Variants in CMBL observed in about 807,000 individuals in gnomAD.
CMBL encodes carboxymethylenebutenolidase homolog, also known as carboxymethylenebutenolidase homolog (Pseudomonas).
A neutral mutation model predicts 28.7 loss-of-function variants in CMBL; 17 were observed. The ratio of observed to expected loss-of-function variants is 0.59; its 90% CI spans 0.41 to 0.89. CMBL has a LOEUF of 0.89. CMBL is among the 40% of genes least tolerant of loss of function. CMBL has a pLI of 0.00. For missense variants in CMBL, 310 were observed against 298.5 expected (o/e 1.04, Z -0.28); for synonymous variants, 106 against 101.6 (o/e 1.04, Z -0.26).
chr5:10,292,687 G>A (rs554579280), intron 1 of CMBL, among the ~76,000 whole-genome samples: 1 of 152,154 alleles, frequency 6.6e-6, no homozygotes, highest in African/African-American at 2.4e-5. Flanking sequence ...AGCCGGGTGT[G>A]GTGGCAGGCG....
At chr5:10,307,116 T>C (rs947010679) in intron 1 of CMBL, 1 of 152,178 alleles carries the variant, frequency 6.6e-6, no homozygotes, top group Non-Finnish European at 1.5e-5. Flanking sequence ...CTTAGATCCA[T>C]AGACCCAGCA....
intron 2 of CMBL, chr5:10,290,344 C>A (rs562337271): frequency 3.4e-6 from 2 of 580,132 alleles, no homozygotes; most frequent in Non-Finnish European, 6.1e-6. Flanking sequence ...ACAGGAAACC[C>A]AGGAATGGGG....
At chr5:10,298,415 C>T (rs1443235478) in intron 1 of CMBL, among the ~76,000 whole-genome samples, 1 of 151,930 alleles carries the variant, frequency 6.6e-6, no homozygotes, top group African/African-American at 2.4e-5. Context: ...AAAGGAAAGA[C>T]AACTGCAGAA....
chr5:10,286,357 A>G lies in CMBL; in HGVS notation c.463T>C (p.Tyr155His), dbSNP rs1247904881. 1 of 1,613,716 alleles carries G rather than the reference A, an allele frequency of 6.2e-7. No individual in the cohort carries two copies. Among genetic ancestry groups the G allele is most frequent in the South Asian group, 1.1e-5 (1 of 90,978 alleles). The stretch of plus-strand genomic sequence containing the variant: ...AAAATGCACAAGGCAGATTTACCAT[A>G]GACGGACACCCCTGCCCTGAATTCT... Reference protein sequence around the residue: ...YSEFRAGVSVYGIVKDSEDIY... With the variant: ...YSEFRAGVSVHGIVKDSEDIY... Residue 155 changes from tyrosine (Y) to histidine (H), a missense_variant, in exon 4 of 6, where the codon TAT becomes CAT. Coordinates refer to ENST00000296658, the MANE Select transcript of CMBL (RefSeq NM_138809.4).
Position 10,278,624 on chromosome 5 carries a change from C to T in CMBL, c.*1829G>A, listed in dbSNP as rs1413875025. Among the ~76,000 whole-genome samples the T allele has an allele frequency of 2.0e-5, 3 of 152,098 alleles. No homozygotes were observed. The highest frequency in any genetic ancestry group is 4.4e-5 in the Non-Finnish European group (3 of 68,030). On this transcript the variant is annotated 3_prime_UTR_variant, in exon 6 of 6. Coordinates refer to ENST00000296658, the MANE Select transcript of CMBL (RefSeq NM_138809.4). ...AGCCCATGTGTCCTGAATGGCTCCC[C>T]CTTTTTGCTGGCCCTGTGAAGCGTG...
At chr5:10,285,567 G>C (rs1746583730) in intron 4 of CMBL, among the ~76,000 whole-genome samples, 1 of 152,112 alleles carries the variant, frequency 6.6e-6, no homozygotes, top group Non-Finnish European at 1.5e-5. Flanking sequence ...CAAAGTGCTA[G>C]GATTACAGGC....
chr5:10,285,362 T>G (rs1746579960), intron 4 of CMBL, among the ~76,000 whole-genome samples: 1 of 151,966 alleles, frequency 6.6e-6, no homozygotes, highest in Admixed American at 6.6e-5. Context: ...AGAGACGGGG[T>G]TTCACCATAT....
chr5:10,291,111 G>A (rs571853672), intron 1 of CMBL, among the ~76,000 whole-genome samples: 1 of 152,334 alleles, frequency 6.6e-6, no homozygotes, highest in Non-Finnish European at 1.5e-5. Flanking sequence ...GGGGCCCAGT[G>A]ATGCTGGGGG....
chr5:10,285,900 T>C (rs529382619), intron 4 of CMBL, among the ~76,000 whole-genome samples: 2 of 151,994 alleles, frequency 1.3e-5, no homozygotes, highest in Middle Eastern at 3.4e-3. Flanking sequence ...GGTTTTGCCA[T>C]GTTGTCCAGG....
chr5:10,306,021 T>G (rs1360217929), intron 1 of CMBL, among the ~76,000 whole-genome samples: 1 of 152,210 alleles, frequency 6.6e-6, no homozygotes, highest in African/African-American at 2.4e-5. Flanking sequence ...CTTTAATGAA[T>G]AAAATAAAAT....
At chr5:10,287,214 G>A (rs144057957) in intron 3 of CMBL, among the ~76,000 whole-genome samples, 28 of 152,324 alleles carry the variant, frequency 1.8e-4, no homozygotes, top group African/African-American at 6.0e-4. Context: ...ATTGTAGCAC[G>A]ATTGCAAAGA....
intron 1 of CMBL, among the ~76,000 whole-genome samples, chr5:10,300,598 G>A (rs1746881909): frequency 6.6e-6 from 1 of 152,032 alleles, no homozygotes; most frequent in Non-Finnish European, 1.5e-5. Flanking sequence ...CCAGGAGTAT[G>A]AGACCAGCAT....
chr5:10,285,028 G>T (rs955917580), intron 4 of CMBL, among the ~76,000 whole-genome samples: 10 of 150,878 alleles, frequency 6.6e-5, no homozygotes, highest in Non-Finnish European at 1.5e-4. Flanking sequence ...AAGAGACAAG[G>T]TCTCACTCCC....
At chr5:10,299,604 C>T (rs929910604) in intron 1 of CMBL, among the ~76,000 whole-genome samples, 7 of 151,198 alleles carry the variant, frequency 4.6e-5, no homozygotes, top group Non-Finnish European at 7.4e-5. Context: ...TTTGGGAGGC[C>T]AAGGCCGGGG....
Position 10,278,533 on chromosome 5 carries a change from C to A in CMBL, c.*1920G>T, listed in dbSNP as rs1405729179. On this transcript the variant is annotated 3_prime_UTR_variant, in exon 6 of 6. Coordinates refer to ENST00000296658, the MANE Select transcript of CMBL (RefSeq NM_138809.4). ...CCAGGGGAAACCTGCATAGATGACA[C>A]CCTGGGCCCCAGTGAAGGCTTTGGC... 6.6e-6 allele frequency among the ~76,000 whole-genome samples: 1 copy of A among 152,132 alleles called. No individual in the cohort carries two copies. Among genetic ancestry groups the A allele is most frequent in the South Asian group, 2.1e-4 (1 of 4,818 alleles).
At chr5:10,286,327 G>C (rs762378958) in intron 4 of CMBL, 27 bp downstream of exon 4, 10 of 1,606,444 alleles carry the variant, frequency 6.2e-6, no homozygotes, top group Non-Finnish European at 8.5e-6. Context: ...CTTCTGCATG[G>C]AGTAAAAATG....
At chr5:10,295,129 G>A (rs1057438243) in intron 1 of CMBL, among the ~76,000 whole-genome samples, 2 of 151,804 alleles carry the variant, frequency 1.3e-5, no homozygotes, top group Non-Finnish European at 2.9e-5. Flanking sequence ...GGTTGCCCAG[G>A]CTGGAGCGTA....
Position 10,289,024 on chromosome 5 carries a change from G to C in CMBL, c.216-495C>G, listed in dbSNP as rs1478462038. 6.6e-6 allele frequency among the ~76,000 whole-genome samples: 1 copy of C among 152,092 alleles called. No homozygotes were observed. The highest frequency in any genetic ancestry group is 6.5e-5 in the Admixed American group (1 of 15,272). ...ACGAAGCACAGTTTCCTATCCAGAG[G>C]GTATGTTCTAAGACGGGCAGCAGAG... On this transcript the variant is annotated intron_variant, in intron 2 of 5. Coordinates refer to ENST00000296658, the MANE Select transcript of CMBL (RefSeq NM_138809.4). This position sits in a 1 kb window ranked among gnomAD's most constrained non-coding sequence, Gnocchi z 4.3.
At chr5:10,290,872 A>C (rs1338450859) in intron 1 of CMBL, 91 bp from the exon 2 acceptor site, 3 of 995,050 alleles carry the variant, frequency 3.0e-6, no homozygotes, top group Non-Finnish European at 4.5e-6. Context: ...ATTATAGAAA[A>C]AAATTCATTT....
Sources: gnomAD v4.1 joint callset for allele counts (sites outside exome capture counted in the v4.1 genomes callset) on GRCh38, gnomAD v4.1.1 for gene constraint, Gnocchi (gnomAD v3.1) non-coding constraint, MANE v1.5 for transcripts, NCBI Gene and HGNC (gene_info 2026-07-23, HGNC 2026-07-21) for gene names.